The following ST7 variants were observed in gnomAD, a reference collection of about 807,000 sequenced individuals.
The protein encoded by ST7 is suppressor of tumorigenicity 7 protein.
Under a neutral mutation model 78.7 loss-of-function variants are expected in ST7, and 28 were observed. The observed-to-expected ratio is 0.36, with a 90% confidence interval of 0.26 to 0.49. ST7 has a LOEUF of 0.49. Among genes scored for constraint, ST7 ranks in the 20% least tolerant of loss-of-function variants. The pLI is 0.99. For synonymous variants in ST7, 247 were observed against 249.6 expected, an observed-to-expected ratio of 0.99 and a Z score of 0.10; for missense variants, 418 against 696.0, an observed-to-expected ratio of 0.60 and a Z score of 4.49.
At chr7:117,177,378 C>T (rs13227862) in intron 10 of ST7, among the ~76,000 whole-genome samples, 19,266 of 152,190 alleles carry the variant, frequency 0.13, 1,347 homozygotes, top group Non-Finnish European at 0.16. Context: ...TACAAACCCT[C>T]CAAATTTATG....
chr7:117,205,650 C>T (rs932476706), intron 12 of ST7, among the ~76,000 whole-genome samples: 1 of 152,242 alleles, frequency 6.6e-6, no homozygotes, highest in Non-Finnish European at 1.5e-5. Context: ...AGCCAGTCTC[C>T]ACTCAGAGAC....
intron 1 of ST7, among the ~76,000 whole-genome samples, chr7:116,980,639 C>A (rs1379549285): frequency 6.6e-6 from 1 of 152,186 alleles, no homozygotes; most frequent in East Asian, 1.9e-4. Context: ...GCATTCCTCA[C>A]TCACCTTTAA....
intron 1 of ST7, among the ~76,000 whole-genome samples, chr7:117,005,363 G>T (rs1795114912): frequency 6.6e-6 from 1 of 151,982 alleles, no homozygotes; most frequent in Non-Finnish European, 1.5e-5. Context: ...ATATCTAAAG[G>T]CTGTTGTTCC....
At chr7:117,101,627 G>A (rs1036159204) in intron 2 of ST7, among the ~76,000 whole-genome samples, 64 of 152,284 alleles carry the variant, frequency 4.2e-4, no homozygotes, top group African/African-American at 1.5e-3. Flanking sequence ...GGTGAATCAG[G>A]AGTATCAAAT....
At position 117,158,716 on chromosome 7, in the gene ST7, C is replaced by A. The variant is rs140948165; in HGVS notation, c.964-12146C>A. Among the ~76,000 whole-genome samples the A allele has an allele frequency of 7.0e-4, 106 of 152,270 alleles. 1 individual carries two copies. Among genetic ancestry groups the A allele is most frequent in the African/African-American group, 2.4e-3 (101 of 41,564 alleles). On this transcript the variant is annotated intron_variant, in intron 9 of 15. Transcript: ENST00000323984. ...TTTATACTGATCTGTATAAATGGAA[C>A]TCTCGTGGGCCTCTGAGGACTCTGG...
chr7:117,167,800 T>C (rs1425051899), intron 9 of ST7, among the ~76,000 whole-genome samples: 1 of 152,014 alleles, frequency 6.6e-6, no homozygotes, highest in Non-Finnish European at 1.5e-5. Flanking sequence ...GAGGCAAGTG[T>C]TTCAAAGAAA....
chr7:117,120,135 G>A (rs1289932762), intron 3 of ST7, among the ~76,000 whole-genome samples: 1 of 152,076 alleles, frequency 6.6e-6, no homozygotes, highest in Admixed American at 6.5e-5. Flanking sequence ...TCGCTATGTT[G>A]TCTAGACTGG....
intron 9 of ST7, among the ~76,000 whole-genome samples, chr7:117,156,127 T>TA (rs1188527608): frequency 1.3e-5 from 2 of 152,234 alleles, no homozygotes; most frequent in African/African-American, 4.8e-5. Context: ...TCTGACAGTC[T>TA]ATGGATTTTA....
chr7:117,002,933 C>T (rs1375293556), intron 1 of ST7, among the ~76,000 whole-genome samples: 1 of 132,814 alleles, frequency 7.5e-6, no homozygotes, highest in African/African-American at 2.9e-5. Flanking sequence ...AGCAATTCTT[C>T]TGCTTCAGCC....
At chr7:117,054,131 C>A (rs1797938847) in intron 1 of ST7, among the ~76,000 whole-genome samples, 1 of 152,204 alleles carries the variant, frequency 6.6e-6, no homozygotes, top group Non-Finnish European at 1.5e-5. Context: ...AGCCACCGTG[C>A]CCGCCGGTCT....
chr7:117,089,859 C>T (rs559679862), intron 1 of ST7, among the ~76,000 whole-genome samples: 25 of 152,222 alleles, frequency 1.6e-4, no homozygotes, highest in African/African-American at 3.4e-4. Context: ...CATGAGCCAC[C>T]GCACCCGGCC....
intron 9 of ST7, among the ~76,000 whole-genome samples, chr7:117,168,339 C>T (rs1807724272): frequency 6.6e-6 from 1 of 152,250 alleles, no homozygotes. Flanking sequence ...TTTGGAATTG[C>T]ACTTTTTAAA....
chr7:117,039,928 A>G (rs1325504611), intron 1 of ST7, among the ~76,000 whole-genome samples: 2 of 152,204 alleles, frequency 1.3e-5, no homozygotes, highest in Non-Finnish European at 2.9e-5. Flanking sequence ...CCCAAGGGAA[A>G]TAATCTGTCA....
At chr7:117,092,055 G>A (rs1256114119) in intron 1 of ST7, among the ~76,000 whole-genome samples, 1 of 152,004 alleles carries the variant, frequency 6.6e-6, no homozygotes, top group Non-Finnish European at 1.5e-5. Flanking sequence ...CACCAACATA[G>A]AATCTTACAT....
intron 2 of ST7, among the ~76,000 whole-genome samples, chr7:117,109,233 G>T (rs1441838232): frequency 6.6e-6 from 1 of 152,136 alleles, no homozygotes; most frequent in Non-Finnish European, 1.5e-5. Context: ...CTGGGGGTTT[G>T]TCAGAGATGG....
intron 9 of ST7, among the ~76,000 whole-genome samples, chr7:117,144,482 A>G (rs1225699072): frequency 6.6e-6 from 1 of 151,090 alleles, no homozygotes; most frequent in East Asian, 1.9e-4. Flanking sequence ...AAAAAAAAAA[A>G]TTAGTTGGGC....
intron 1 of ST7, among the ~76,000 whole-genome samples, chr7:117,029,287 A>G (rs971562208): frequency 3.3e-5 from 5 of 151,964 alleles, no homozygotes; most frequent in Non-Finnish European, 5.9e-5. Context: ...ATTTTTGCCA[A>G]TTTTGTGGGT....
chr7:117,041,145 C>G (rs554637206), intron 1 of ST7, among the ~76,000 whole-genome samples: 34 of 152,122 alleles, frequency 2.2e-4, no homozygotes, highest in Non-Finnish European at 4.1e-4. Flanking sequence ...GATGTTTGTG[C>G]AAGGATATCA....
intron 1 of ST7, among the ~76,000 whole-genome samples, chr7:116,979,389 A>G (rs1338540320): frequency 6.6e-6 from 1 of 152,194 alleles, no homozygotes; most frequent in African/African-American, 2.4e-5. Context: ...GTATCTTTCA[A>G]TAAGCTTGTG....
Sources: gnomAD v4.1 joint callset for allele counts (sites outside exome capture counted in the v4.1 genomes callset) on GRCh38, gnomAD v4.1.1 for gene constraint, MANE v1.5 for transcripts, NCBI Gene and HGNC (gene_info 2026-07-23, HGNC 2026-07-21) for gene names.